The following SRGAP3 variants were observed in gnomAD, a reference collection of about 807,000 sequenced individuals.
SRGAP3 encodes SLIT-ROBO Rho GTPase activating protein 3.
Under a neutral mutation model 121.1 loss-of-function variants are expected in SRGAP3, and 39 were observed. The observed-to-expected ratio is 0.32, with a 90% confidence interval of 0.25 to 0.42. SRGAP3 has a LOEUF of 0.42. Among genes scored for constraint, SRGAP3 ranks in the 10% least tolerant of loss-of-function variants. SRGAP3 has a pLI of 1.00. For synonymous variants in SRGAP3, 601 were observed against 570.0 expected (o/e 1.05, Z -0.77); for missense variants, 1,213 against 1,470.6 (o/e 0.82, Z 2.86).
intron 1 of SRGAP3, among the ~76,000 whole-genome samples, chr3:9,199,476 C>A (rs1305923981): frequency 5.3e-5 from 8 of 152,160 alleles, no homozygotes; most frequent in East Asian, 3.9e-4. Context: ...TTGTTTTTTT[C>A]TTTGTTCACT....
intron 1 of SRGAP3, among the ~76,000 whole-genome samples, chr3:9,188,135 T>C (rs1360015401): frequency 1.3e-5 from 2 of 152,244 alleles, no homozygotes; most frequent in African/African-American, 2.4e-5. Flanking sequence ...GTGTACATTA[T>C]ACTTCAATAA....
chr3:9,283,983 T>C (rs1358362602), intron 3 of SRGAP3, among the ~76,000 whole-genome samples: 1 of 152,224 alleles, frequency 6.6e-6, no homozygotes, highest in Non-Finnish European at 1.5e-5. Context: ...CCATCAGTTA[T>C]CTACAACTTA....
intron 14 of SRGAP3, among the ~76,000 whole-genome samples, chr3:9,023,591 C>T (rs1413800028): frequency 6.6e-6 from 1 of 152,202 alleles, no homozygotes; most frequent in African/African-American, 2.4e-5. Flanking sequence ...TCCCCAATGC[C>T]TACTCTATCA....
At chr3:9,026,873 T>C in intron 13 of SRGAP3, 62 bp downstream of exon 13, 1 of 1,555,916 alleles carries the variant, frequency 6.4e-7, no homozygotes, top group Non-Finnish European at 8.9e-7. Flanking sequence ...TCATTTCCTA[T>C]CAGAACAGCC....
intron 4 of SRGAP3, among the ~76,000 whole-genome samples, chr3:9,067,471 G>T (rs141555495): frequency 1.2e-3 from 180 of 151,760 alleles, no homozygotes; most frequent in African/African-American, 4.1e-3. Flanking sequence ...CTCTGTGTAT[G>T]CCAGTTCCAC....
intron 9 of SRGAP3, among the ~76,000 whole-genome samples, chr3:9,051,736 T>C (rs1198351244): frequency 2.9e-4 from 36 of 124,922 alleles, no homozygotes; most frequent in Non-Finnish European, 4.8e-4. Context: ...TTTTTTGAGA[T>C]GAAGTCTCGC....
chr3:9,347,442 C>T (rs1369276733), intron 1 of SRGAP3, among the ~76,000 whole-genome samples: 7 of 152,114 alleles, frequency 4.6e-5, no homozygotes, highest in Admixed American at 4.6e-4. Context: ...AGAATATATG[C>T]AGGACTCTGT....
intron 2 of SRGAP3, among the ~76,000 whole-genome samples, chr3:9,121,557 G>A (rs772433220): frequency 9.2e-5 from 14 of 152,182 alleles, no homozygotes; most frequent in Non-Finnish European, 1.6e-4. Context: ...GGCCTGGGCC[G>A]GCACCCTAAT....
intron 3 of SRGAP3, among the ~76,000 whole-genome samples, chr3:9,264,172 C>T (rs544435103): frequency 3.9e-5 from 6 of 152,236 alleles, no homozygotes; most frequent in African/African-American, 1.4e-4. Context: ...ATTCAACACC[C>T]CTTCATGCTA....
chr3:9,155,354 G>A (rs1379027553), intron 1 of SRGAP3, among the ~76,000 whole-genome samples: 2 of 152,142 alleles, frequency 1.3e-5, no homozygotes, highest in Non-Finnish European at 2.9e-5. Flanking sequence ...GCATTTTGAA[G>A]TTGCACTACA....
intron 1 of SRGAP3, among the ~76,000 whole-genome samples, chr3:9,357,860 T>G (rs1419654694): frequency 6.6e-6 from 1 of 151,792 alleles, no homozygotes; most frequent in African/African-American, 2.4e-5. Context: ...AACACAAAAT[T>G]CCCCATTTGA....
chr3:9,109,931 A>T lies in SRGAP3; in HGVS notation c.261-5089T>A, dbSNP rs562235498. On this transcript the variant is annotated intron_variant, in intron 2 of 21. Coordinates refer to ENST00000383836, the MANE Select transcript of SRGAP3 (RefSeq NM_014850.4). The surrounding 1 kb of genome is among the most constrained non-coding windows in gnomAD (Gnocchi z 4.4). Reference sequence around the variant, plus strand: ...GGTAGGAGAGTGAGGACAGCAGGTGAACATGGAGACTGAGGCAGGGGCCAC... The same window carrying T: ...GGTAGGAGAGTGAGGACAGCAGGTGTACATGGAGACTGAGGCAGGGGCCAC... 2.0e-5 allele frequency among the ~76,000 whole-genome samples: 3 copies of T among 152,254 alleles called. No homozygotes were observed. In the East Asian group the frequency reaches 5.8e-4, roughly 29 times the overall value.
intron 3 of SRGAP3, among the ~76,000 whole-genome samples, chr3:9,083,269 T>C (rs1158285408): frequency 6.6e-6 from 1 of 152,202 alleles, no homozygotes; most frequent in Non-Finnish European, 1.5e-5. Context: ...TGTGTTTATT[T>C]TTATGATCTT....
chr3:9,214,182 C>G (rs191532559), intron 1 of SRGAP3, among the ~76,000 whole-genome samples: 1 of 144,086 alleles, frequency 6.9e-6, no homozygotes, highest in African/African-American at 2.5e-5. Flanking sequence ...ATTTCCCACA[C>G]GATCACTGGT....
At chr3:9,247,466 G>A (rs1953864285) in intron 1 of SRGAP3, among the ~76,000 whole-genome samples, 1 of 152,142 alleles carries the variant, frequency 6.6e-6, no homozygotes, top group South Asian at 2.1e-4. Flanking sequence ...GACTGTTGGT[G>A]AGACTGGAAA....
intron 1 of SRGAP3, among the ~76,000 whole-genome samples, chr3:9,191,989 G>A (rs1951766943): frequency 6.6e-6 from 1 of 152,114 alleles, no homozygotes; most frequent in Non-Finnish European, 1.5e-5. Context: ...GAAGATGTTG[G>A]CACCTCATTT....
intron 2 of SRGAP3, among the ~76,000 whole-genome samples, chr3:9,327,243 T>A (rs1480603932): frequency 6.6e-6 from 1 of 151,910 alleles, no homozygotes; most frequent in Non-Finnish European, 1.5e-5. Context: ...AAAACTCTGT[T>A]GTACTTTTAT....
rs1036826757 is a variant in SRGAP3, at chr3:8,990,641, G to A, written c.2757C>T (p.Ser919=). 8.7e-6 allele frequency: 14 copies of A among 1,613,398 alleles called. No homozygotes were observed. The highest frequency in any genetic ancestry group is 1.6e-4 in the Middle Eastern group (1 of 6,084). The change falls in exon 21 of 22, where the codon AGC becomes AGT. Residue 919 remains serine, a synonymous_variant. Coordinates refer to ENST00000383836, the MANE Select transcript of SRGAP3 (RefSeq NM_014850.4). ...PEKRRMATFG[S]AGSINYPDKK... is the part of the protein sequence containing the mutation. ...TGTCAGGGTAGTTGATGCTGCCAGC[G>A]CTCCCGAACGTCGCCATCCTCCGCT...
intron 1 of SRGAP3, among the ~76,000 whole-genome samples, chr3:9,152,394 T>G (rs931463370): frequency 6.6e-6 from 1 of 152,182 alleles, no homozygotes; most frequent in Non-Finnish European, 1.5e-5. Flanking sequence ...TATTTCTCTC[T>G]CTCTCTGTGT....
Sources: allele counts gnomAD v4.1 joint callset (sites outside exome capture counted in the v4.1 genomes callset), GRCh38; gene constraint gnomAD v4.1.1; non-coding constraint Gnocchi (gnomAD v3.1); transcripts MANE v1.5; gene names NCBI Gene and HGNC (gene_info 2026-07-23, HGNC 2026-07-21).